The following CCSER1 variants were observed in gnomAD, a reference collection of about 807,000 sequenced individuals.
CCSER1 encodes coiled-coil serine rich protein 1, also known as serine-rich coiled-coil domain-containing protein 1.
Under a neutral mutation model 82.0 loss-of-function variants are expected in CCSER1, and 41 were observed. The observed-to-expected ratio is 0.50, with a 90% CI of 0.39 to 0.65. CCSER1 has a LOEUF of 0.65. Ranked by LOEUF, CCSER1 falls within the 30% of genes least tolerant of loss-of-function variation. The pLI, the probability that CCSER1 is intolerant of heterozygous loss-of-function variation, is 0.00. For synonymous variants in CCSER1, 414 were observed against 383.9 expected (o/e 1.08, Z -0.92); for missense variants, 1,119 against 1,064.2 (o/e 1.05, Z -0.72).
At chr4:90,368,813 A>G (rs944859590) in intron 3 of CCSER1, among the ~76,000 whole-genome samples, 2 of 151,844 alleles carry the variant, frequency 1.3e-5, no homozygotes, top group Non-Finnish European at 2.9e-5. Flanking sequence ...TGACAACCAA[A>G]AAGTCTTTTC....
chr4:90,232,185 A>G (rs1000312381), intron 1 of CCSER1, among the ~76,000 whole-genome samples: 17 of 152,160 alleles, frequency 1.1e-4, no homozygotes, highest in African/African-American at 2.9e-4. Flanking sequence ...ATCCAAAAGA[A>G]CAAAGCTGGA....
intron 1 of CCSER1, among the ~76,000 whole-genome samples, chr4:90,251,935 A>G (rs1055178834): frequency 2.0e-5 from 3 of 151,480 alleles, no homozygotes; most frequent in Non-Finnish European, 3.0e-5. Flanking sequence ...TTGTTTTTCT[A>G]TGTTTTATTT....
chr4:91,091,971 G>A (rs564542788), intron 10 of CCSER1, among the ~76,000 whole-genome samples: 2 of 152,200 alleles, frequency 1.3e-5, no homozygotes, highest in East Asian at 3.9e-4. Context: ...CAACTCTTGG[G>A]GAGTACCTGG....
intron 10 of CCSER1, among the ~76,000 whole-genome samples, chr4:91,470,554 C>T (rs943883750): frequency 2.0e-5 from 3 of 152,106 alleles, no homozygotes; most frequent in African/African-American, 7.2e-5. Context: ...GAGACAGGCT[C>T]TCCCAAAGTG....
At chr4:90,957,172 G>A (rs1329489339) in intron 9 of CCSER1, among the ~76,000 whole-genome samples, 16 of 133,660 alleles carry the variant, frequency 1.2e-4, no homozygotes, top group African/African-American at 3.7e-4. Context: ...GCGCGATCTC[G>A]GCTCACTGCA....
intron 3 of CCSER1, among the ~76,000 whole-genome samples, chr4:90,326,119 C>T (rs1213392127): frequency 1.5e-5 from 2 of 135,638 alleles, no homozygotes; most frequent in Admixed American, 8.6e-5. Flanking sequence ...AGTGCAGTGG[C>T]GCAATCTCGG....
At chr4:91,316,161 G>T (rs1745822279) in intron 10 of CCSER1, among the ~76,000 whole-genome samples, 1 of 151,994 alleles carries the variant, frequency 6.6e-6, no homozygotes, top group Non-Finnish European at 1.5e-5. Flanking sequence ...CCATATGGAA[G>T]TGTGAGTGCA....
At chr4:90,340,479 T>C (rs1003014620) in intron 3 of CCSER1, among the ~76,000 whole-genome samples, 1 of 152,182 alleles carries the variant, frequency 6.6e-6, no homozygotes, top group African/African-American at 2.4e-5. Context: ...ATTTGTGAAT[T>C]TGTGCTAGTT....
intron 8 of CCSER1, among the ~76,000 whole-genome samples, chr4:90,859,155 T>C (rs947950649): frequency 6.6e-6 from 1 of 151,874 alleles, no homozygotes; most frequent in African/African-American, 2.4e-5. Context: ...ATTCTAGTCT[T>C]ACTTCTGACA....
intron 5 of CCSER1, among the ~76,000 whole-genome samples, chr4:90,566,830 C>T (rs1779455106): frequency 6.6e-6 from 1 of 151,924 alleles, no homozygotes; most frequent in Non-Finnish European, 1.5e-5. Context: ...TCTCAATCTC[C>T]TGACCTCGTG....
At chr4:90,402,216 GA>G (rs1320719857) in intron 4 of CCSER1, among the ~76,000 whole-genome samples, 1 of 152,178 alleles carries the variant, frequency 6.6e-6, no homozygotes, top group Non-Finnish European at 1.5e-5. Flanking sequence ...GATAAAATAG[GA>G]GGAGTTGGAG....
chr4:91,342,374 T>G (rs951840394), intron 10 of CCSER1, among the ~76,000 whole-genome samples: 4 of 152,156 alleles, frequency 2.6e-5, no homozygotes, highest in Non-Finnish European at 4.4e-5. Flanking sequence ...AACCTTAGAC[T>G]TTTTACTTAG....
intron 10 of CCSER1, among the ~76,000 whole-genome samples, chr4:91,327,385 C>G (rs1746645295): frequency 6.6e-6 from 1 of 152,180 alleles, no homozygotes; most frequent in Admixed American, 6.5e-5. Context: ...GGAGCTGCAC[C>G]TTGGTCCCTT....
At chr4:90,279,680 C>T (rs1221978975) in intron 1 of CCSER1, among the ~76,000 whole-genome samples, 1 of 151,936 alleles carries the variant, frequency 6.6e-6, no homozygotes, top group African/African-American at 2.4e-5. Context: ...AAGAAATGGT[C>T]TAGTATCCAG....
intron 1 of CCSER1, among the ~76,000 whole-genome samples, chr4:90,290,274 A>T (rs1327658828): frequency 6.6e-6 from 1 of 151,934 alleles, no homozygotes; most frequent in Non-Finnish European, 1.5e-5. Context: ...TGTTTTGAGC[A>T]ACATTGACCC....
chr4:91,580,002 A>C (rs1378084342), intron 10 of CCSER1, among the ~76,000 whole-genome samples: 1 of 151,814 alleles, frequency 6.6e-6, no homozygotes, highest in Non-Finnish European at 1.5e-5. Flanking sequence ...TAAATGTAAT[A>C]ACTTTGGCCA....
chr4:90,423,863 G>T (rs1757105889), intron 4 of CCSER1, among the ~76,000 whole-genome samples: 1 of 151,632 alleles, frequency 6.6e-6, no homozygotes, highest in Non-Finnish European at 1.5e-5. Context: ...CAGCACTTTG[G>T]GAGGTCAAGG....
intron 1 of CCSER1, among the ~76,000 whole-genome samples, chr4:90,214,933 T>C (rs114096184): frequency 0.018 from 2,739 of 152,280 alleles, 82 homozygotes; most frequent in African/African-American, 0.063. Flanking sequence ...TGTTAGGTTT[T>C]TCAATTTGTG....
intron 5 of CCSER1, among the ~76,000 whole-genome samples, chr4:90,594,939 GTTAT>G: frequency 6.6e-6 from 1 of 151,956 alleles, no homozygotes; most frequent in South Asian, 2.1e-4. Flanking sequence ...TGAATTCAGT[GTTAT>G]TTATAAAGTG....
Sources: gnomAD v4.1 joint callset for allele counts (sites outside exome capture counted in the v4.1 genomes callset) on GRCh38, gnomAD v4.1.1 for gene constraint, MANE v1.5 for transcripts, NCBI Gene and HGNC (gene_info 2026-07-23, HGNC 2026-07-21) for gene names.